Variants in CNTNAP2 observed in about 807,000 individuals in gnomAD.
CNTNAP2 encodes the protein contactin-associated protein-like 2.
CNTNAP2 carries 98 observed loss-of-function variants against 155.2 expected under a neutral mutation model. The observed-to-expected ratio is 0.63, with a 90% CI of 0.54 to 0.75. The LOEUF is 0.75. CNTNAP2 is among the 30% of genes least tolerant of loss of function. The pLI, the probability that CNTNAP2 is intolerant of heterozygous loss-of-function variation, is 0.00. For synonymous variants in CNTNAP2, 651 were observed against 631.2 expected (o/e 1.03, Z -0.47); for missense variants, 1,727 against 1,688.1 (o/e 1.02, Z -0.40).
intron 13 of CNTNAP2, among the ~76,000 whole-genome samples, chr7:147,664,542 A>C (rs1000258631): frequency 1.3e-5 from 2 of 152,204 alleles, no homozygotes; most frequent in Admixed American, 1.3e-4. Context: ...CGCCTTCAAA[A>C]TAAGCACATT....
intron 5 of CNTNAP2, among the ~76,000 whole-genome samples, chr7:147,116,800 A>T (rs1801001041): frequency 1.3e-5 from 2 of 152,110 alleles, no homozygotes; most frequent in Admixed American, 1.3e-4. Context: ...CCCACCCAGT[A>T]GGAAGAATGG....
At chr7:146,662,662 T>C (rs1800112678) in intron 1 of CNTNAP2, among the ~76,000 whole-genome samples, 1 of 122,608 alleles carries the variant, frequency 8.2e-6, no homozygotes, top group African/African-American at 2.6e-5. Context: ...TTTTATGCCA[T>C]ATAAAATATC....
At chr7:146,313,954 G>A (rs1800867542) in intron 1 of CNTNAP2, among the ~76,000 whole-genome samples, 2 of 152,094 alleles carry the variant, frequency 1.3e-5, no homozygotes, top group South Asian at 2.1e-4. Context: ...AACTAAGATG[G>A]CACCACTGCA....
At chr7:146,409,987 A>C (rs1340918934) in intron 1 of CNTNAP2, among the ~76,000 whole-genome samples, 1 of 152,174 alleles carries the variant, frequency 6.6e-6, no homozygotes, top group East Asian at 1.9e-4. Flanking sequence ...ATGATTACTT[A>C]GAACACCCCT....
At chr7:148,255,475 C>T (rs957110200) in intron 20 of CNTNAP2, among the ~76,000 whole-genome samples, 7 of 152,148 alleles carry the variant, frequency 4.6e-5, no homozygotes, top group Non-Finnish European at 1.0e-4. Flanking sequence ...AAATAATATT[C>T]AGTGTTTTTC....
At chr7:148,332,313 T>C (rs1798041357) in intron 21 of CNTNAP2, among the ~76,000 whole-genome samples, 1 of 152,170 alleles carries the variant, frequency 6.6e-6, no homozygotes, top group Admixed American at 6.5e-5. Flanking sequence ...TGACATGAAA[T>C]TCTGGTTTCT....
At chr7:148,262,492 G>A (rs1332450193) in intron 20 of CNTNAP2, among the ~76,000 whole-genome samples, 1 of 152,126 alleles carries the variant, frequency 6.6e-6, no homozygotes, top group South Asian at 2.1e-4. Context: ...GGTGCCTTCC[G>A]CAGGCTCTGA....
At chr7:147,601,855 TC>T (rs1800953255) in intron 12 of CNTNAP2, among the ~76,000 whole-genome samples, 2 of 152,054 alleles carry the variant, frequency 1.3e-5, no homozygotes, top group South Asian at 4.1e-4. Flanking sequence ...TTAGATTCAA[TC>T]TTTTTCTGTC....
chr7:147,270,386 T>C (rs1360107044), intron 8 of CNTNAP2, among the ~76,000 whole-genome samples: 1 of 152,220 alleles, frequency 6.6e-6, no homozygotes, highest in Non-Finnish European at 1.5e-5. Context: ...ATTGCTTGCA[T>C]GTTACAATAA....
chr7:148,367,587 A>C (rs1798808182), intron 21 of CNTNAP2, among the ~76,000 whole-genome samples: 1 of 152,174 alleles, frequency 6.6e-6, no homozygotes, highest in African/African-American at 2.4e-5. Context: ...TTCTAGACAG[A>C]TATTCAGCTG....
intron 1 of CNTNAP2, among the ~76,000 whole-genome samples, chr7:146,304,095 C>CTTT (rs550435247): frequency 0.021 from 2,769 of 132,476 alleles, 129 homozygotes; most frequent in African/African-American, 0.074. Context: ...GCAAACCCTG[C>CTTT]TTTTTTTTTT....
chr7:147,413,563 A>G (rs1797138936), intron 10 of CNTNAP2, among the ~76,000 whole-genome samples: 2 of 151,738 alleles, frequency 1.3e-5, no homozygotes, highest in South Asian at 4.2e-4. Context: ...GGGTGCAGAG[A>G]AAAAAAAATG....
chr7:148,272,609 G>A (rs1370306950), intron 21 of CNTNAP2, among the ~76,000 whole-genome samples: 1 of 152,076 alleles, frequency 6.6e-6, no homozygotes, highest in African/African-American at 2.4e-5. Context: ...AAGATGAAAT[G>A]TAATAGAAAT....
intron 16 of CNTNAP2, among the ~76,000 whole-genome samples, chr7:148,145,171 T>A (rs538415511): frequency 7.6e-4 from 115 of 152,304 alleles, no homozygotes; most frequent in Non-Finnish European, 1.4e-3. Context: ...ATGGAGGCTG[T>A]TTGGGAAGAA....
intron 1 of CNTNAP2, among the ~76,000 whole-genome samples, chr7:146,408,675 TGAC>T (rs1289501296): frequency 6.6e-6 from 1 of 150,864 alleles, no homozygotes; most frequent in Non-Finnish European, 1.5e-5. Context: ...CTAATGTAAA[TGAC>T]GAGTTAATGG....
intron 13 of CNTNAP2, among the ~76,000 whole-genome samples, chr7:147,829,843 T>C (rs1798519665): frequency 6.6e-6 from 1 of 151,946 alleles, no homozygotes. Flanking sequence ...TTGTGGGGAA[T>C]ACAGAGCAGC....
At position 147,407,614 on chromosome 7, in the gene CNTNAP2, C is replaced by T. The variant is rs143563832; in HGVS notation, c.1670+11834C>T. 2.7e-3 allele frequency among the ~76,000 whole-genome samples: 410 copies of T among 151,298 alleles called. 2 individuals carry two copies. Among genetic ancestry groups the T allele is most frequent in the South Asian group, 9.7e-3 (46 of 4,758 alleles). On this transcript the variant is annotated intron_variant, in intron 10 of 23. Transcript: ENST00000361727. ...GGTACTAAACTACACAATGAGAAAA[C>T]CAAAAGTTACAGGATAGGATCTCTT...
Position 146,403,953 on chromosome 7 carries a change from G to T in CNTNAP2, c.97+286980G>T, listed in dbSNP as rs573754702. 2.0e-5 allele frequency among the ~76,000 whole-genome samples: 3 copies of T among 151,346 alleles called. No homozygotes were observed. The East Asian group carries it at 5.9e-4, about 30-fold the overall frequency. ...ATCCCGGCTAAAACGGCGAAACCCCGTCTCTACTAAAAATACAAAAAATTA... is the reference window on the plus strand; with the variant it reads ...ATCCCGGCTAAAACGGCGAAACCCCTTCTCTACTAAAAATACAAAAAATTA... On this transcript the variant is annotated intron_variant, in intron 1 of 23. Transcript: ENST00000361727.
intron 3 of CNTNAP2, among the ~76,000 whole-genome samples, chr7:146,892,865 A>G (rs1307535393): frequency 6.6e-6 from 1 of 152,208 alleles, no homozygotes; most frequent in Non-Finnish European, 1.5e-5. Context: ...AATGTTTGCA[A>G]AATTATTCCA....
Sources: gnomAD v4.1 joint callset for allele counts (sites outside exome capture counted in the v4.1 genomes callset) on GRCh38, gnomAD v4.1.1 for gene constraint, MANE v1.5 for transcripts, NCBI Gene and HGNC (gene_info 2026-07-23, HGNC 2026-07-21) for gene names.